BCAR3: variants seen among roughly 807,000 people sequenced by gnomAD.
BCAR3 encodes BCAR3 adaptor protein, NSP family member.
A neutral mutation model predicts 80.1 loss-of-function variants in BCAR3; 37 were observed. The ratio of observed to expected loss-of-function variants is 0.46; its 90% CI spans 0.36 to 0.61. BCAR3 has a LOEUF of 0.61. Ranked by LOEUF, BCAR3 falls within the 20% of genes least tolerant of loss-of-function variation. BCAR3 has a pLI of 0.00. For missense variants in BCAR3, 978 were observed against 1,068.2 expected, an observed-to-expected ratio of 0.92 and a Z score of 1.18; for synonymous variants, 389 against 418.9, an observed-to-expected ratio of 0.93 and a Z score of 0.87.
intron 2 of BCAR3, among the ~76,000 whole-genome samples, chr1:93,717,992 G>C (rs1160403124): frequency 6.6e-6 from 1 of 152,200 alleles, no homozygotes; most frequent in African/African-American, 2.4e-5. Flanking sequence ...TAAAAAGACA[G>C]GGAAGCCTAA....
chr1:93,643,289 C>T (rs1236796605), intron 2 of BCAR3, among the ~76,000 whole-genome samples: 3 of 150,434 alleles, frequency 2.0e-5, no homozygotes, highest in Non-Finnish European at 2.9e-5. Flanking sequence ...TTTGGGGGGG[C>T]CGAGGCAGGC....
rs776140617 is a variant in BCAR3 at position 93,778,605 on chromosome 1, G to A, written c.-63+66962C>T. On this transcript the variant is annotated intron_variant, in intron 2 of 13. Coordinates refer to the BCAR3 transcript ENST00000370244. Reference sequence around the variant, plus strand: ...TGCCTTAGGATAATCTGTTTCTAACGCTTGTTGCAGCCCTGGTTTTACCCA... The same window carrying A: ...TGCCTTAGGATAATCTGTTTCTAACACTTGTTGCAGCCCTGGTTTTACCCA... Among the ~76,000 whole-genome samples, 7 of 151,908 alleles carry A rather than the reference G, an allele frequency of 4.6e-5. No individual in the cohort carries two copies. The East Asian group carries it at 9.7e-4, about 21-fold the overall frequency.
chr1:93,835,946 C>T (rs567100571), intron 2 of BCAR3, among the ~76,000 whole-genome samples: 5 of 152,316 alleles, frequency 3.3e-5, no homozygotes, highest in East Asian at 3.9e-4. Flanking sequence ...AGTCCGGTAA[C>T]GGACCGGCCT....
At chr1:93,661,792 A>G (rs1647675525) in intron 2 of BCAR3, among the ~76,000 whole-genome samples, 1 of 152,230 alleles carries the variant, frequency 6.6e-6, no homozygotes, top group Non-Finnish European at 1.5e-5. Context: ...CCCAGCCCCA[A>G]TGTAGCTTTA....
intron 2 of BCAR3, among the ~76,000 whole-genome samples, chr1:93,657,211 C>A (rs1392274374): frequency 6.6e-6 from 1 of 152,082 alleles, no homozygotes; most frequent in Non-Finnish European, 1.5e-5. Flanking sequence ...TATTTTTTCC[C>A]ATCAGCATTT....
chr1:93,609,038 G>A (rs773881610), intron 3 of BCAR3, among the ~76,000 whole-genome samples: 9 of 152,138 alleles, frequency 5.9e-5, no homozygotes, highest in Non-Finnish European at 1.2e-4. Context: ...CAGGGAAGAT[G>A]AGCAGGGCCT....
At chr1:93,671,015 T>C (rs1648177087) in intron 2 of BCAR3, among the ~76,000 whole-genome samples, 1 of 152,074 alleles carries the variant, frequency 6.6e-6, no homozygotes, top group African/African-American at 2.4e-5. Context: ...TTTTTTGAAA[T>C]GGAGTCTCAC....
Position 93,717,536 on chromosome 1 carries a change from C to A in BCAR3, c.-62-11394G>T, listed in dbSNP as rs147321559. 4.2e-3 allele frequency among the ~76,000 whole-genome samples: 632 copies of A among 151,992 alleles called. 1 individual carries two copies. The highest frequency in any genetic ancestry group is 7.7e-3 in the Non-Finnish European group (524 of 67,974). On this transcript the variant is annotated intron_variant, in intron 2 of 13. Coordinates refer to the BCAR3 transcript ENST00000370244. The stretch of plus-strand genomic sequence containing the variant: ...GGTCAGGAGTTTGAGACCATCCTGG[C>A]CAACATGGTGAAACCCCATCTCTAC...
intron 2 of BCAR3, among the ~76,000 whole-genome samples, chr1:93,774,648 G>T (rs1261445338): frequency 6.6e-6 from 1 of 152,176 alleles, no homozygotes; most frequent in Admixed American, 6.5e-5. Flanking sequence ...CCTTGGCAAA[G>T]CAACGACCTG....
intron 1 of BCAR3, chr1:93,846,973 CGCGGCGGCGCTCGCG>C: frequency 8.8e-6 from 2 of 226,976 alleles, no homozygotes; most frequent in South Asian, 2.1e-5. Flanking sequence ...ACAGACGTCG[CGCGGCGGCGCTCGCG>C]CGCAGGTCCA....
chr1:93,634,010 A>C (rs191934835), intron 3 of BCAR3, among the ~76,000 whole-genome samples: 4 of 152,318 alleles, frequency 2.6e-5, no homozygotes, highest in Admixed American at 2.6e-4. Flanking sequence ...ATGAGCACTG[A>C]CAGCCAACCC....
intron 3 of BCAR3, among the ~76,000 whole-genome samples, chr1:93,603,398 G>T (rs1460049219): frequency 6.6e-6 from 1 of 152,210 alleles, no homozygotes; most frequent in African/African-American, 2.4e-5. Flanking sequence ...TGAGGAAAGG[G>T]TGTCTTACTC....
intron 11 of BCAR3, among the ~76,000 whole-genome samples, chr1:93,565,347 T>A (rs1163887517): frequency 6.6e-6 from 1 of 151,806 alleles, no homozygotes; most frequent in African/African-American, 2.4e-5. Context: ...AATACAGGCA[T>A]GAGCCACTGC....
At chr1:93,749,354 C>T (rs1011062125) in intron 2 of BCAR3, among the ~76,000 whole-genome samples, 4 of 151,948 alleles carry the variant, frequency 2.6e-5, no homozygotes, top group African/African-American at 4.8e-5. Flanking sequence ...TTTGGGAGGC[C>T]GAGGTGGGCG....
intron 2 of BCAR3, among the ~76,000 whole-genome samples, chr1:93,763,302 G>A (rs1652020811): frequency 6.6e-6 from 1 of 152,148 alleles, no homozygotes; most frequent in Non-Finnish European, 1.5e-5. Context: ...TGCCTCACGT[G>A]ATCCTCCTGC....
At chr1:93,698,730 G>A (rs1244953606) in intron 3 of BCAR3, among the ~76,000 whole-genome samples, 2 of 152,190 alleles carry the variant, frequency 1.3e-5, no homozygotes, top group Admixed American at 1.3e-4. Flanking sequence ...ATCAACCTTC[G>A]CTGCTAAGTC....
At chr1:93,740,878 C>T (rs781214509) in intron 2 of BCAR3, among the ~76,000 whole-genome samples, 6 of 152,232 alleles carry the variant, frequency 3.9e-5, no homozygotes, top group South Asian at 2.1e-4. Flanking sequence ...AGGAATTAGC[C>T]GAAAGCACTG....
At chr1:93,599,910 T>C (rs1388292036) in intron 3 of BCAR3, among the ~76,000 whole-genome samples, 1 of 152,194 alleles carries the variant, frequency 6.6e-6, no homozygotes, top group Non-Finnish European at 1.5e-5. Context: ...CCCCACTGTT[T>C]AGATTACTGT....
chr1:93,709,855 C>T (rs1023430490), intron 2 of BCAR3, among the ~76,000 whole-genome samples: 2 of 152,096 alleles, frequency 1.3e-5, no homozygotes, highest in African/African-American at 4.8e-5. Context: ...AATGTATCTC[C>T]TTGATGGATC....
Sources: allele counts gnomAD v4.1 joint callset (sites outside exome capture counted in the v4.1 genomes callset), GRCh38; gene constraint gnomAD v4.1.1; transcripts MANE v1.5; gene names NCBI Gene and HGNC (gene_info 2026-07-23, HGNC 2026-07-21).